OR10K1: variants seen among roughly 807,000 people sequenced by gnomAD.
The protein encoded by OR10K1 is olfactory receptor 10K1.
For synonymous variants in OR10K1, 186 were observed against 152.5 expected, an observed-to-expected ratio of 1.22 and a Z score of -1.62; for missense variants, 404 against 373.3, an observed-to-expected ratio of 1.08 and a Z score of -0.68.
chr1:158,466,109 C>CT lies in OR10K1; in HGVS notation c.549dup (p.Val184CysfsTer3). 6.2e-7 allele frequency: 1 copy of CT among 1,613,970 alleles called. No homozygotes were observed. Among genetic ancestry groups the CT allele is most frequent in the Admixed American group, 1.7e-5 (1 of 60,016 alleles). On this transcript the variant is annotated frameshift_variant, in exon 2 of 2. Coordinates refer to ENST00000641535, the MANE Select transcript of OR10K1 (RefSeq NM_001004473.2). LOFTEE classifies it low-confidence loss of function (END_TRUNC). ...CATCACTTCTTCTGTGACATCTCCC[C>CT]TGTCCTTAAACTGGCATCTCAGCAC...
chr1:158,462,552 T>C (rs1032247290), intron 1 of OR10K1, among the ~76,000 whole-genome samples: 1 of 152,128 alleles, frequency 6.6e-6, no homozygotes, highest in Non-Finnish European at 1.5e-5. Context: ...GGATGTATAA[T>C]TTTAGGTATA....
Position 158,465,560 on chromosome 1 carries a change from C to G in OR10K1, c.-2C>G, listed in dbSNP as rs754727682. The G allele has an allele frequency of 1.7e-5, 27 of 1,612,240 alleles. No homozygotes were observed. The African/African-American group carries it at 2.3e-4, about 14-fold the overall frequency. On this transcript the variant is annotated 5_prime_UTR_variant, in exon 2 of 2. Coordinates refer to ENST00000641535, the MANE Select transcript of OR10K1 (RefSeq NM_001004473.2). The stretch of plus-strand genomic sequence containing the variant: ...TGACTCTCCTTTATAGAAGTGCTCT[C>G]CATGGAGCAAGTCAATAAGACTGTG...
At position 158,466,637 on chromosome 1, in the gene OR10K1, A is replaced by C. The variant is rs1178146227; in HGVS notation, c.*134A>C. ...TACATATGAGAAGAATGAGGCTCAC[A>C]GAAGTTAAGACAGTCTGGCTTTCTA... On this transcript the variant is annotated 3_prime_UTR_variant, in exon 2 of 2. Coordinates refer to ENST00000641535, the MANE Select transcript of OR10K1 (RefSeq NM_001004473.2). The C allele has an allele frequency of 1.2e-5, 8 of 645,804 alleles. No individual in the cohort carries two copies. The Admixed American group carries it at 2.3e-4, about 19-fold the overall frequency. 40.0% of individuals were successfully genotyped at this position (645,804 alleles called of 1,614,324 possible). A position where few individuals can be genotyped will look rare whatever the true frequency, so the allele number is the denominator to read the frequency against.
In OR10K1 at chr1:158,466,594, T is replaced by A; in HGVS notation, c.*91T>A. 1 of 787,754 alleles carries A rather than the reference T, an allele frequency of 1.3e-6. No homozygotes were observed. Among genetic ancestry groups the A allele is most frequent in the Non-Finnish European group, 2.1e-6 (1 of 475,138 alleles). The allele number at this position is 787,754 out of a possible 1,614,324, so 48.8% of individuals were successfully genotyped here. On this transcript the variant is annotated 3_prime_UTR_variant, in exon 2 of 2. Transcript: ENST00000641535. ...TTTTCATTTAATTGTCCAGCTCCAC[T>A]GTAACATAAGAACATTTTACATATG...
chr1:158,462,293 AAT>A (rs981529531), intron 1 of OR10K1, among the ~76,000 whole-genome samples: 8 of 143,670 alleles, frequency 5.6e-5, no homozygotes, highest in Admixed American at 3.5e-4. Flanking sequence ...AAAAAAAAAA[AAT>A]TATCTGAATT....
At chr1:158,464,702 G>T (rs1655998603) in intron 1 of OR10K1, among the ~76,000 whole-genome samples, 1 of 152,224 alleles carries the variant, frequency 6.6e-6, no homozygotes, top group East Asian at 1.9e-4. Flanking sequence ...AGTCTGGAGT[G>T]CAGAGGCACA....
intron 1 of OR10K1, among the ~76,000 whole-genome samples, chr1:158,464,254 G>GGGTTTTT (rs1655987173): frequency 6.6e-6 from 1 of 152,098 alleles, no homozygotes; most frequent in Non-Finnish European, 1.5e-5. Context: ...ATTGAAAAAT[G>GGGTTTTT]TTCCAGTGAA....
Position 158,466,134 on chromosome 1 carries a change from C to T in OR10K1, c.573C>T (p.His191=), listed in dbSNP as rs552332933. The T allele has an allele frequency of 7.4e-6, 12 of 1,613,962 alleles. No homozygotes were observed. The South Asian group carries it at 9.9e-5, about 13-fold the overall frequency. The change falls in exon 2 of 2, where the codon CAC becomes CAT. Residue 191 remains histidine, a synonymous_variant. Transcript: ENST00000641535. ...CTGTCCTTAAACTGGCATCTCAGCA[C>T]TCCGGCTTCAGTCAGCTGGTCATAT... The part of the protein sequence containing the change: ...ISPVLKLASQ[H]SGFSQLVIFM...
At chr1:158,464,891 C>A (rs1211482546) in intron 1 of OR10K1, among the ~76,000 whole-genome samples, 1 of 152,164 alleles carries the variant, frequency 6.6e-6, no homozygotes, top group East Asian at 1.9e-4. Flanking sequence ...TCAAGCAATC[C>A]ACCCACCTTG....
chr1:158,466,061 C>T lies in OR10K1; in HGVS notation c.500C>T (p.Pro167Leu), dbSNP rs1656030730. The change falls in exon 2 of 2, where the codon CCC (proline) becomes CTC (leucine). Residue 167 changes from proline (P) to leucine (L), a missense_variant. Coordinates refer to ENST00000641535, the MANE Select transcript of OR10K1 (RefSeq NM_001004473.2). ...LVTTSLVFHL[P>L]FHSSNQLHHF... ...ACCACCTCCCTAGTATTTCATCTGC[C>T]CTTCCACTCCTCCAACCAGCTCCAT... 1 of 1,614,086 alleles carries T rather than the reference C, an allele frequency of 6.2e-7. No homozygotes were observed. Among genetic ancestry groups the T allele is most frequent in the African/African-American group, 1.3e-5 (1 of 75,018 alleles).
Position 158,466,277 on chromosome 1 carries a change from C to T in OR10K1, c.716C>T (p.Ser239Phe), listed in dbSNP as rs749613900. 15 of 1,614,150 alleles carry T rather than the reference C, an allele frequency of 9.3e-6. No individual in the cohort carries two copies. In the South Asian group the frequency reaches 1.1e-4, roughly 12 times the overall value. Residue 239 changes from serine to phenylalanine, a missense_variant, in exon 2 of 2, where the codon TCC (serine) becomes TTC (phenylalanine). Ser to Phe is a radical substitution (Grantham distance 155). Transcript: ENST00000641535. ...TCCGTTGGAAGATACAAGACCTTCTCCACCTGTGCCTCCCATCTCATTGTG... is the reference window on the plus strand; with the variant it reads ...TCCGTTGGAAGATACAAGACCTTCTTCACCTGTGCCTCCCATCTCATTGTG... ...PSSVGRYKTF[S>F]TCASHLIVVT...
Position 158,465,649 on chromosome 1 carries a change from A to G in OR10K1, c.88A>G (p.Ile30Val), listed in dbSNP as rs550000473. ...LARLQQLLFV[I>V]FLLLYLFTLG... Reference sequence around the variant, plus strand: ...CAGGCTGCAGCAGCTGCTCTTTGTTATCTTCCTGCTCCTCTACCTGTTCAC... The same window carrying G: ...CAGGCTGCAGCAGCTGCTCTTTGTTGTCTTCCTGCTCCTCTACCTGTTCAC... The change falls in exon 2 of 2, where the codon ATC (isoleucine) becomes GTC (valine). Residue 30 changes from isoleucine (I) to valine (V), a missense_variant. Ile to Val is a conservative substitution (Grantham distance 29). Coordinates refer to ENST00000641535, the MANE Select transcript of OR10K1 (RefSeq NM_001004473.2). The G allele has an allele frequency of 6.2e-7, 1 of 1,613,944 alleles. No homozygotes were observed. Among genetic ancestry groups the G allele is most frequent in the Non-Finnish European group, 8.5e-7 (1 of 1,179,974 alleles).
chr1:158,465,132 C>A (rs1041173993), intron 1 of OR10K1, among the ~76,000 whole-genome samples: 7 of 152,176 alleles, frequency 4.6e-5, no homozygotes, highest in Non-Finnish European at 1.0e-4. Context: ...AAACTGAAGT[C>A]CACATGATTA....
chr1:158,466,344 G>A lies in OR10K1; in HGVS notation c.783G>A (p.Arg261=). ...HYSCASFIYL[R]PKTNYTSSQD... ...GTTGTGCCTCTTTCATCTACTTAAGGCCCAAGACTAATTACACTTCAAGCC... is the reference window on the plus strand; with the variant it reads ...GTTGTGCCTCTTTCATCTACTTAAGACCCAAGACTAATTACACTTCAAGCC... The change falls in exon 2 of 2, where the codon AGG becomes AGA. Residue 261 remains arginine, a synonymous_variant. Coordinates refer to ENST00000641535, the MANE Select transcript of OR10K1 (RefSeq NM_001004473.2). 2 of 1,613,842 alleles carry A rather than the reference G, an allele frequency of 1.2e-6. No individual in the cohort carries two copies. Among genetic ancestry groups the A allele is most frequent in the Non-Finnish European group, 1.7e-6 (2 of 1,179,982 alleles).
At chr1:158,463,382 T>A (rs919184296) in intron 1 of OR10K1, among the ~76,000 whole-genome samples, 1 of 152,164 alleles carries the variant, frequency 6.6e-6, no homozygotes, top group African/African-American at 2.4e-5. Flanking sequence ...TGGAGCTGAA[T>A]CCATAGATCA....
At position 158,466,865 on chromosome 1, in the gene OR10K1, AAAAAAAGAAAG is replaced by A. The variant is rs1416242971; in HGVS notation, c.*373_*383del. 1.2e-5 allele frequency: 2 copies of A among 163,270 alleles called. No individual in the cohort carries two copies. The highest frequency in any genetic ancestry group is 2.4e-5 in the African/African-American group (1 of 41,822). 10.1% of individuals were successfully genotyped at this position (163,270 alleles called of 1,614,324 possible). On this transcript the variant is annotated 3_prime_UTR_variant, in exon 2 of 2. Transcript: ENST00000641535. Reference sequence around the variant, plus strand: ...GGAAAGAAAAGATGTATCCAAAAAAAAAAAAAGAAAGAAAAAAGAAAAAAAAAAGGAAAACA... The same window carrying A: ...GGAAAGAAAAGATGTATCCAAAAAAAAAAAAAGAAAAAAAAAAGGAAAACA...
chr1:158,465,111 C>A (rs1249832586), intron 1 of OR10K1, among the ~76,000 whole-genome samples: 1 of 152,182 alleles, frequency 6.6e-6, no homozygotes, highest in Non-Finnish European at 1.5e-5. Context: ...TTTCTCATTT[C>A]ATGGTTGGAT....
intron 1 of OR10K1, among the ~76,000 whole-genome samples, chr1:158,463,464 A>G (rs752017597): frequency 1.5e-4 from 23 of 152,204 alleles, no homozygotes; most frequent in Non-Finnish European, 2.6e-4. Context: ...GTAAAAATCC[A>G]CTGGACTAGA....
At chr1:158,463,751 C>T (rs991445151) in intron 1 of OR10K1, among the ~76,000 whole-genome samples, 5 of 152,080 alleles carry the variant, frequency 3.3e-5, no homozygotes, top group African/African-American at 4.8e-5. Flanking sequence ...AATCATTTGT[C>T]CAGAAGGAGG....
Sources: gnomAD v4.1 joint callset for allele counts (sites outside exome capture counted in the v4.1 genomes callset) on GRCh38, gnomAD v4.1.1 for gene constraint, MANE v1.5 for transcripts, NCBI Gene and HGNC (gene_info 2026-07-23, HGNC 2026-07-21) for gene names.